CLDN10: variants seen among roughly 807,000 people sequenced by gnomAD.
The protein encoded by CLDN10 is claudin 10.
CLDN10 carries 15 observed loss-of-function variants against 22.9 expected under a neutral mutation model. That is an observed-to-expected ratio of 0.65 (90% CI 0.44 to 1.01). The LOEUF is 1.01. CLDN10 is among the 50% of genes least tolerant of loss of function. CLDN10 has a pLI of 0.00. For synonymous variants in CLDN10, 114 were observed against 111.4 expected (o/e 1.02, Z -0.15); for missense variants, 247 against 287.8 (o/e 0.86, Z 1.03).
intron 1 of CLDN10, among the ~76,000 whole-genome samples, chr13:95,511,932 T>C (rs2043105185): frequency 7.1e-6 from 1 of 141,240 alleles, no homozygotes; most frequent in African/African-American, 2.5e-5. Flanking sequence ...ATGTGCCATG[T>C]TGGTGTGCTG....
rs2042783002 is a variant in CLDN10 at position 95,484,658 on chromosome 13, C to T, written c.214+50611C>T. ...AGGAGTTCAAGACCAGCCTGGCCAA[C>T]ATGGCGAAACCCCGTCTCTACTAAA... On this transcript the variant is annotated intron_variant, in intron 1 of 4. Transcript: ENST00000376873. Among the ~76,000 whole-genome samples, 6 of 143,304 alleles carry T rather than the reference C, an allele frequency of 4.2e-5. No individual in the cohort carries two copies. The South Asian group carries it at 1.4e-3, about 33-fold the overall frequency. 94.0% of individuals were successfully genotyped at this position (143,304 alleles called of 152,430 possible). A position where few individuals can be genotyped will look rare whatever the true frequency, so the allele number is the denominator to read the frequency against.
At chr13:95,481,879 T>C (rs2042750701) in intron 1 of CLDN10, among the ~76,000 whole-genome samples, 2 of 151,862 alleles carry the variant, frequency 1.3e-5, no homozygotes, top group African/African-American at 4.8e-5. Flanking sequence ...ATTAGCTGGG[T>C]GTGGTGGTGC....
intron 3 of CLDN10, among the ~76,000 whole-genome samples, chr13:95,567,846 G>T (rs1053239875): frequency 5.9e-5 from 9 of 152,148 alleles, no homozygotes; most frequent in Non-Finnish European, 2.9e-5. Context: ...GTTGAATTTT[G>T]TCGAAGGCCT....
chr13:95,557,547 A>G (rs2043654458), intron 1 of CLDN10, among the ~76,000 whole-genome samples: 1 of 152,160 alleles, frequency 6.6e-6, no homozygotes, highest in Admixed American at 6.5e-5. Context: ...AATCTGGCCA[A>G]TGATCGTCCT....
At chr13:95,461,911 G>A (rs903262750) in intron 1 of CLDN10, among the ~76,000 whole-genome samples, 3 of 151,862 alleles carry the variant, frequency 2.0e-5, no homozygotes, top group Non-Finnish European at 2.9e-5. Flanking sequence ...GGGCAACATA[G>A]CAAGACCCCA....
chr13:95,452,325 T>C (rs2042439533), intron 1 of CLDN10, among the ~76,000 whole-genome samples: 2 of 152,220 alleles, frequency 1.3e-5, no homozygotes, highest in East Asian at 1.9e-4. Flanking sequence ...CCTCCCTGTA[T>C]TGGAAAGGTA....
chr13:95,451,793 G>T (rs1348205974), intron 1 of CLDN10, among the ~76,000 whole-genome samples: 1 of 152,176 alleles, frequency 6.6e-6, no homozygotes. Flanking sequence ...ACCATTTGTT[G>T]AGTTGAATGA....
chr13:95,488,142 G>A (rs1375380052), intron 1 of CLDN10, among the ~76,000 whole-genome samples: 2 of 150,230 alleles, frequency 1.3e-5, no homozygotes, highest in Non-Finnish European at 2.9e-5. Context: ...CTGCCACCAT[G>A]TCCGGCTAAT....
intron 1 of CLDN10, among the ~76,000 whole-genome samples, chr13:95,441,171 T>C (rs2042321134): frequency 6.6e-6 from 1 of 152,224 alleles, no homozygotes; most frequent in Non-Finnish European, 1.5e-5. Flanking sequence ...GGGAATCTCT[T>C]CTCATGTCAC....
In CLDN10 at chr13:95,475,910, A is replaced by G. The variant is rs369980229; in HGVS notation, c.214+41863A>G. Among the ~76,000 whole-genome samples, 147 of 151,732 alleles carry G rather than the reference A, an allele frequency of 9.7e-4. 6 individuals are homozygous for G. In the South Asian group the frequency reaches 0.029, roughly 30 times the overall value. On this transcript the variant is annotated intron_variant, in intron 1 of 4. Transcript: ENST00000376873. ...CCATGGCTCTGCTGTGATGAGCACC[A>G]TGGCTCTGCTGTGATGTGACTTATG... is the stretch of plus-strand genomic sequence containing the variant.
Position 95,527,964 on chromosome 13 carries a change from C to G in CLDN10, c.215-32168C>G, listed in dbSNP as rs140475446. 5.0e-3 allele frequency among the ~76,000 whole-genome samples: 756 copies of G among 152,220 alleles called. 9 individuals are homozygous for G. Among genetic ancestry groups the G allele is most frequent in the Middle Eastern group, 0.01 (3 of 294 alleles). On this transcript the variant is annotated intron_variant, in intron 1 of 4. Coordinates refer to the CLDN10 transcript ENST00000376873. ...CATTGACCACTAGGATTTGTGGCAA[C>G]CTGGAGATTTCCTGATTCTAGGATC... is the stretch of plus-strand genomic sequence containing the variant.
rs548587108 is a variant in CLDN10 at position 95,488,920 on chromosome 13, C to G, written c.214+54873C>G. ...GGGTAGATACCCAGTAGTGGGATTG[C>G]TGGATCAAATCATAGTTCTACTTTT... On this transcript the variant is annotated intron_variant, in intron 1 of 4. Coordinates refer to the CLDN10 transcript ENST00000376873. Among the ~76,000 whole-genome samples the G allele has an allele frequency of 2.7e-5, 4 of 148,438 alleles. No individual in the cohort carries two copies. The East Asian group carries it at 7.9e-4, about 29-fold the overall frequency.
chr13:95,450,563 T>C (rs1483692922), intron 1 of CLDN10, among the ~76,000 whole-genome samples: 6 of 152,254 alleles, frequency 3.9e-5, no homozygotes, highest in African/African-American at 1.4e-4. Flanking sequence ...CCATGTGTCT[T>C]CCTCACAGTC....
intron 3 of CLDN10, among the ~76,000 whole-genome samples, chr13:95,573,913 C>G (rs2043892605): frequency 6.6e-6 from 1 of 151,276 alleles, no homozygotes; most frequent in Non-Finnish European, 1.5e-5. Context: ...ATGTTCCCCA[C>G]CCTGTGTCCA....
At chr13:95,441,519 GC>G (rs1215224249) in intron 1 of CLDN10, among the ~76,000 whole-genome samples, 1 of 152,106 alleles carries the variant, frequency 6.6e-6, no homozygotes, top group Admixed American at 6.6e-5. Context: ...GGGATTATAA[GC>G]ATGAGCCACC....
At chr13:95,463,024 A>G (rs1351095469) in intron 1 of CLDN10, among the ~76,000 whole-genome samples, 1 of 151,908 alleles carries the variant, frequency 6.6e-6, no homozygotes, top group Non-Finnish European at 1.5e-5. Context: ...TGTGTTTGCT[A>G]TGTTGGTGCT....
At chr13:95,438,165 C>T (rs2042289953) in intron 1 of CLDN10, among the ~76,000 whole-genome samples, 1 of 152,194 alleles carries the variant, frequency 6.6e-6, no homozygotes, top group Non-Finnish European at 1.5e-5. Flanking sequence ...GTGATCCTCC[C>T]ATCTCAGCCT....
intron 1 of CLDN10, among the ~76,000 whole-genome samples, chr13:95,541,178 G>A (rs915729649): frequency 6.6e-6 from 1 of 152,226 alleles, no homozygotes; most frequent in African/African-American, 2.4e-5. Flanking sequence ...AGGAAATCAG[G>A]CCTTGTGCAG....
At chr13:95,484,940 T>G (rs2042789832) in intron 1 of CLDN10, among the ~76,000 whole-genome samples, 1 of 149,940 alleles carries the variant, frequency 6.7e-6, no homozygotes, top group African/African-American at 2.4e-5. Context: ...TCTTATTTAG[T>G]TTGATTTAGT....
Sources: gnomAD v4.1 joint callset for allele counts (sites outside exome capture counted in the v4.1 genomes callset) on GRCh38, gnomAD v4.1.1 for gene constraint, MANE v1.5 for transcripts, NCBI Gene and HGNC (gene_info 2026-07-23, HGNC 2026-07-21) for gene names.